SLAIN1: variants seen among roughly 807,000 people sequenced by gnomAD.
SLAIN1 encodes SLAIN family member 1, also known as SLAIN motif-containing protein 1.
In SLAIN1, 17 loss-of-function variants were observed where a neutral mutation model predicts 55.4. That is an observed-to-expected ratio of 0.31 (90% CI 0.21 to 0.46). The LOEUF is 0.46. Among genes scored for constraint, SLAIN1 ranks in the 20% least tolerant of loss-of-function variants. The pLI is 1.00. For missense variants in SLAIN1, 682 were observed against 785.1 expected (o/e 0.87, Z 1.57); for synonymous variants, 348 against 337.4 (o/e 1.03, Z -0.35).
chr13:77,737,741 A>G (rs1447616073), intron 2 of SLAIN1, among the ~76,000 whole-genome samples: 1 of 152,080 alleles, frequency 6.6e-6, no homozygotes, highest in East Asian at 1.9e-4. Flanking sequence ...AAAGTTAATC[A>G]TTGCTTTTAC....
At chr13:77,727,638 G>T (rs911959056) in intron 2 of SLAIN1, among the ~76,000 whole-genome samples, 1 of 152,088 alleles carries the variant, frequency 6.6e-6, no homozygotes, top group East Asian at 1.9e-4. Context: ...AACTCCCATC[G>T]CACTGTAGGT....
intron 2 of SLAIN1, among the ~76,000 whole-genome samples, chr13:77,735,304 G>A (rs1178499228): frequency 1.3e-5 from 2 of 152,124 alleles, no homozygotes; most frequent in Admixed American, 6.6e-5. Context: ...TCTTACTGAA[G>A]TGTCCTTTCA....
intron 2 of SLAIN1, among the ~76,000 whole-genome samples, chr13:77,744,037 T>C (rs1271739359): frequency 6.6e-6 from 1 of 152,030 alleles, no homozygotes; most frequent in Non-Finnish European, 1.5e-5. Context: ...CTTAACAATT[T>C]AAGTATATAG....
Position 77,724,895 on chromosome 13 carries a change from T to G in SLAIN1, c.766+5224T>G, listed in dbSNP as rs193141936. 2.0e-5 allele frequency among the ~76,000 whole-genome samples: 3 copies of G among 152,312 alleles called. No individual in the cohort carries two copies. The East Asian group carries it at 5.8e-4, about 29-fold the overall frequency. ...TAGACTTAATTTCTCCCTTGGGCAG[T>G]CCGCATTTTTGAGTAACAGATATTA... On this transcript the variant is annotated intron_variant, in intron 2 of 6. Transcript: ENST00000418532.
rs1311441383 is a variant in SLAIN1 at position 77,698,947 on chromosome 13, G to C, written c.626+408G>C. Reference sequence around the variant, plus strand: ...GGATGGTAGGGGTTGGCCTCTGTCTGCGACTGTTACTGTTCTTTCGTTTTA... The same window carrying C: ...GGATGGTAGGGGTTGGCCTCTGTCTCCGACTGTTACTGTTCTTTCGTTTTA... On this transcript the variant is annotated intron_variant, in intron 1 of 6. Transcript: ENST00000418532. This position sits in a 1 kb window ranked among gnomAD's most constrained non-coding sequence, Gnocchi z 4.1. 2 of 1,534,162 alleles carry C rather than the reference G, an allele frequency of 1.3e-6. No homozygotes were observed. The highest frequency in any genetic ancestry group is 2.0e-5 in the Admixed American group (1 of 51,002).
chr13:77,699,237 TTTTA>T (rs532829849), intron 1 of SLAIN1: 12 of 395,086 alleles, frequency 3.0e-5, no homozygotes, highest in Non-Finnish European at 4.4e-5. Flanking sequence ...GGAGGGACTT[TTTTA>T]TTTATTTATT....
chr13:77,745,911 A>G (rs1179376489), intron 3 of SLAIN1, among the ~76,000 whole-genome samples: 1 of 151,998 alleles, frequency 6.6e-6, no homozygotes, highest in Admixed American at 6.6e-5. Context: ...AGAACTTTGT[A>G]GTTTGACTAT....
intron 5 of SLAIN1, among the ~76,000 whole-genome samples, chr13:77,757,280 A>G (rs1477442367): frequency 6.6e-6 from 1 of 152,158 alleles, no homozygotes; most frequent in Admixed American, 6.6e-5. Context: ...AAGGCATTAC[A>G]GAATTGATTA....
Position 77,732,661 on chromosome 13 carries a change from TTAC to T in SLAIN1, c.767-11615_767-11613del, listed in dbSNP as rs1202435131. On this transcript the variant is annotated intron_variant, in intron 2 of 6. Transcript: ENST00000418532. ...TTTTAAACATGCCTTTGAAGTGTAA[TTAC>T]TACTACATTTTTTTTTTTTAAATCT... Among the ~76,000 whole-genome samples, 5 of 152,232 alleles carry T rather than the reference TTAC, an allele frequency of 3.3e-5. No individual in the cohort carries two copies. The East Asian group carries it at 9.6e-4, about 29-fold the overall frequency.
At chr13:77,716,196 G>T (rs2091205412) in intron 1 of SLAIN1, among the ~76,000 whole-genome samples, 1 of 150,112 alleles carries the variant, frequency 6.7e-6, no homozygotes, top group African/African-American at 2.4e-5. Flanking sequence ...CCTTTAAATT[G>T]TGTTTTACTA....
chr13:77,722,528 A>G (rs924123518), intron 2 of SLAIN1, among the ~76,000 whole-genome samples: 1 of 152,068 alleles, frequency 6.6e-6, no homozygotes, highest in Non-Finnish European at 1.5e-5. Flanking sequence ...TTTAAATTCC[A>G]TGTTTATATG....
chr13:77,710,489 C>T (rs548728305), intron 1 of SLAIN1, among the ~76,000 whole-genome samples: 11 of 152,054 alleles, frequency 7.2e-5, no homozygotes, highest in Non-Finnish European at 1.5e-4. Flanking sequence ...TCAAAAGAGA[C>T]AAAGAAGGGC....
At chr13:77,708,766 C>T (rs909845808) in intron 1 of SLAIN1, among the ~76,000 whole-genome samples, 6 of 152,100 alleles carry the variant, frequency 3.9e-5, no homozygotes, top group African/African-American at 1.2e-4. Context: ...AGGTCACCAA[C>T]ATCAAAGACC....
chr13:77,744,449 A>G lies in SLAIN1; in HGVS notation c.916+17A>G, dbSNP rs376199267. The stretch of plus-strand genomic sequence containing the variant: ...AAGAAGAAAGTATGTGTTCTTTCTA[A>G]ACTAGCAAAATGAGGCTTCCACTTG... On this transcript the variant is annotated intron_variant, in intron 3 of 6. Coordinates refer to ENST00000418532, the MANE Select transcript of SLAIN1 (RefSeq NM_001242868.2). 2 of 1,608,112 alleles carry G rather than the reference A, an allele frequency of 1.2e-6. No individual in the cohort carries two copies.
At chr13:77,759,681 G>A (rs753268015) in intron 5 of SLAIN1, among the ~76,000 whole-genome samples, 9 of 151,948 alleles carry the variant, frequency 5.9e-5, no homozygotes, top group Non-Finnish European at 1.2e-4. Flanking sequence ...ATGCTTTTTT[G>A]TATCTGTTGA....
intron 1 of SLAIN1, among the ~76,000 whole-genome samples, chr13:77,717,002 T>G (rs1594260549): frequency 6.6e-6 from 1 of 152,190 alleles, no homozygotes; most frequent in Admixed American, 6.5e-5. Flanking sequence ...TGTAGATGCC[T>G]TCAATCAGGT....
At chr13:77,727,965 G>A (rs1432575458) in intron 2 of SLAIN1, among the ~76,000 whole-genome samples, 2 of 152,158 alleles carry the variant, frequency 1.3e-5, no homozygotes, top group African/African-American at 4.8e-5. Flanking sequence ...AAAACTAAGT[G>A]TGTTTTTGGC....
intron 2 of SLAIN1, among the ~76,000 whole-genome samples, chr13:77,731,609 T>C (rs572382410): frequency 1.3e-5 from 2 of 152,266 alleles, no homozygotes; most frequent in South Asian, 4.1e-4. Flanking sequence ...TGTGATGTTC[T>C]TCACCTGGTA....
intron 6 of SLAIN1, among the ~76,000 whole-genome samples, chr13:77,762,407 T>G (rs1875107630): frequency 6.6e-6 from 1 of 152,186 alleles, no homozygotes; most frequent in Admixed American, 6.5e-5. Context: ...AAATTTAAAT[T>G]TTTTATTTTA....
Sources: gnomAD v4.1 joint callset for allele counts (sites outside exome capture counted in the v4.1 genomes callset) on GRCh38, gnomAD v4.1.1 for gene constraint, Gnocchi (gnomAD v3.1) non-coding constraint, MANE v1.5 for transcripts, NCBI Gene and HGNC (gene_info 2026-07-23, HGNC 2026-07-21) for gene names.